Variants in TTC28 observed in about 807,000 individuals in gnomAD.
TTC28 encodes the protein tetratricopeptide repeat domain 28.
TTC28 carries 61 observed loss-of-function variants against 198.0 expected under a neutral mutation model. That is an observed-to-expected ratio of 0.31 (90% CI 0.25 to 0.38). TTC28 has a LOEUF of 0.38. Ranked by LOEUF, TTC28 falls within the 10% of genes least tolerant of loss-of-function variation. TTC28 has a pLI of 1.00. For missense variants in TTC28, 2,678 were observed against 3,164.0 expected (o/e 0.85, Z 3.69); for synonymous variants, 1,171 against 1,297.8 (o/e 0.90, Z 2.10).
chr22:28,081,085 A>G (rs1601596288), intron 12 of TTC28, among the ~76,000 whole-genome samples: 1 of 151,842 alleles, frequency 6.6e-6, no homozygotes, highest in East Asian at 1.9e-4. Context: ...GATAACCGTA[A>G]CATAGAAATA....
At chr22:28,415,241 T>C (rs1304278774) in intron 2 of TTC28, among the ~76,000 whole-genome samples, 1 of 151,940 alleles carries the variant, frequency 6.6e-6, no homozygotes, top group Non-Finnish European at 1.5e-5. Context: ...ATCAGATAAA[T>C]GGAATTCCCT....
intron 5 of TTC28, among the ~76,000 whole-genome samples, chr22:28,271,754 G>A (rs758982705): frequency 1.2e-4 from 19 of 152,058 alleles, no homozygotes; most frequent in African/African-American, 1.7e-4. Context: ...ACAGGTGCCC[G>A]CCACCACGTC....
intron 6 of TTC28, among the ~76,000 whole-genome samples, chr22:28,145,519 C>T (rs1479201779): frequency 6.6e-6 from 1 of 151,980 alleles, no homozygotes; most frequent in Non-Finnish European, 1.5e-5. Flanking sequence ...TCCTGGTCAG[C>T]GTTTTGATTT....
chr22:28,379,877 C>G (rs908908390), intron 2 of TTC28, among the ~76,000 whole-genome samples: 2 of 151,886 alleles, frequency 1.3e-5, no homozygotes, highest in South Asian at 2.1e-4. Context: ...AAAAGACTGA[C>G]AAAATCATGT....
intron 2 of TTC28, among the ~76,000 whole-genome samples, chr22:28,599,233 A>AT (rs1175821107): frequency 6.6e-6 from 1 of 152,270 alleles, no homozygotes; most frequent in African/African-American, 2.4e-5. Flanking sequence ...AAATTGTATA[A>AT]TTTAGCCTAT....
intron 2 of TTC28, among the ~76,000 whole-genome samples, chr22:28,498,344 T>C (rs947494740): frequency 3.3e-5 from 5 of 152,182 alleles, no homozygotes; most frequent in African/African-American, 1.2e-4. Flanking sequence ...TTCTTTGTCC[T>C]TACACAGGTG....
At chr22:28,166,367 A>G (rs987323891) in intron 5 of TTC28, among the ~76,000 whole-genome samples, 1 of 152,202 alleles carries the variant, frequency 6.6e-6, no homozygotes, top group Non-Finnish European at 1.5e-5. Flanking sequence ...TCAACAGAAT[A>G]TACATTCTTC....
chr22:28,008,455 A>G (rs1054072483), intron 14 of TTC28: 1 of 152,258 alleles, frequency 6.6e-6, no homozygotes, highest in Non-Finnish European at 1.5e-5. Context: ...ATGAATCACA[A>G]GCTGAGGTGA....
chr22:28,381,663 A>C (rs1256665990), intron 2 of TTC28, among the ~76,000 whole-genome samples: 1 of 152,176 alleles, frequency 6.6e-6, no homozygotes, highest in East Asian at 1.9e-4. Flanking sequence ...ACTTTAAAAT[A>C]ATAAAAACTC....
chr22:28,300,077 AC>A (rs2044988244), intron 3 of TTC28, among the ~76,000 whole-genome samples: 1 of 152,140 alleles, frequency 6.6e-6, no homozygotes, highest in Non-Finnish European at 1.5e-5. Flanking sequence ...ACTGAATGCC[AC>A]CCTTGGAAAA....
chr22:28,381,207 T>C (rs915090481), intron 2 of TTC28, among the ~76,000 whole-genome samples: 2 of 151,946 alleles, frequency 1.3e-5, no homozygotes, highest in South Asian at 2.1e-4. Flanking sequence ...AATGAGGAAT[T>C]TGAGGTCTGC....
intron 2 of TTC28, among the ~76,000 whole-genome samples, chr22:28,501,264 G>C (rs2048534738): frequency 6.6e-6 from 1 of 152,080 alleles, no homozygotes; most frequent in Non-Finnish European, 1.5e-5. Context: ...TATATTAAAA[G>C]CTTTAGATGA....
chr22:28,248,790 G>T (rs866588282), intron 5 of TTC28, among the ~76,000 whole-genome samples: 1 of 152,006 alleles, frequency 6.6e-6, no homozygotes, highest in Non-Finnish European at 1.5e-5. Context: ...ACCTCTTTCC[G>T]TGAGGGCTTG....
chr22:28,166,181 C>G (rs926782992), intron 5 of TTC28, among the ~76,000 whole-genome samples: 1 of 152,164 alleles, frequency 6.6e-6, no homozygotes, highest in African/African-American at 2.4e-5. Context: ...AAAGCAAGCC[C>G]TTAGTGGCCT....
intron 12 of TTC28, among the ~76,000 whole-genome samples, chr22:28,087,928 T>A (rs1217272014): frequency 1.3e-5 from 2 of 152,016 alleles, no homozygotes; most frequent in African/African-American, 4.8e-5. Flanking sequence ...TCAAAGAGAA[T>A]AAAATACCTA....
chr22:28,333,032 T>A (rs191895060), intron 2 of TTC28, among the ~76,000 whole-genome samples: 63 of 152,224 alleles, frequency 4.1e-4, no homozygotes, highest in Admixed American at 8.5e-4. Flanking sequence ...ATTCAAGTGC[T>A]TACACTGATT....
At chr22:28,420,565 CA>C (rs4035770) in intron 2 of TTC28, among the ~76,000 whole-genome samples, 25,529 of 97,928 alleles carry the variant, frequency 0.26, 2,572 homozygotes, top group Admixed American at 0.38. Flanking sequence ...CTAAAAAATG[CA>C]AAAAAAAAAA....
At chr22:28,071,733 T>TAAAAAAAAAAAAATAAAAAAAAAAA (rs368033113) in intron 12 of TTC28, among the ~76,000 whole-genome samples, 1 of 52,018 alleles carries the variant, frequency 1.9e-5, no homozygotes, top group Non-Finnish European at 4.2e-5. Context: ...TAAAGTATAA[T>TAAAAAAAAAAAAATAAAAAAAAAAA]AAAAAAAAAA....
intron 13 of TTC28, chr22:28,028,844 C>T (rs2146626015): frequency 2.7e-6 from 1 of 365,602 alleles, no homozygotes; most frequent in Non-Finnish European, 5.5e-6. Flanking sequence ...TTTATTCCCA[C>T]ATTACAGGAA....
Sources: allele counts gnomAD v4.1 joint callset (sites outside exome capture counted in the v4.1 genomes callset), GRCh38; gene constraint gnomAD v4.1.1; transcripts MANE v1.5; gene names NCBI Gene and HGNC (gene_info 2026-07-23, HGNC 2026-07-21).